Variants in RHOBTB2 observed in about 807,000 individuals in gnomAD.
The protein encoded by RHOBTB2 is Rho related BTB domain containing 2.
A neutral mutation model predicts 66.5 loss-of-function variants in RHOBTB2; 39 were observed. The observed-to-expected ratio is 0.59, with a 90% CI of 0.45 to 0.77. The LOEUF (loss-of-function observed/expected upper bound fraction) is 0.77. Among genes scored for constraint, RHOBTB2 ranks in the 30% least tolerant of loss-of-function variants. The pLI is 0.00. For synonymous variants in RHOBTB2, 390 were observed against 395.0 expected (o/e 0.99, Z 0.15); for missense variants, 755 against 999.1 (o/e 0.76, Z 3.29).
At chr8:22,954,889 T>C in the RHOBTB2 span, among the ~76,000 whole-genome samples, 13 of 152,192 alleles carry the variant, frequency 8.5e-5, no homozygotes, top group Non-Finnish European at 1.9e-4. Flanking sequence ...CCCAACACTT[T>C]GGGAGGCCGA....
At position 23,007,316 on chromosome 8, in the gene RHOBTB2, C is replaced by A. The variant is rs557999062; in HGVS notation, c.1071C>A (p.Ser357=). 1 of 1,613,694 alleles carries A rather than the reference C, an allele frequency of 6.2e-7. No homozygotes were observed. The highest frequency in any genetic ancestry group is 1.3e-5 in the African/African-American group (1 of 75,074). Residue 357 remains serine (S), a synonymous_variant, in exon 5 of 10, where the codon TCC becomes TCA. Transcript: ENST00000251822. ...VCESVDEAGG[S]GPAGLRASTS... is the part of the protein sequence containing the mutation. Reference sequence around the variant, plus strand: ...AGAGCGTGGATGAGGCTGGGGGCTCCGGTCCTGCTGGCCTCCGTGCTTCCA... The same window carrying A: ...AGAGCGTGGATGAGGCTGGGGGCTCAGGTCCTGCTGGCCTCCGTGCTTCCA...
In RHOBTB2 at chr8:23,008,005, T is replaced by C. The variant is rs769395531; in HGVS notation, c.1514T>C (p.Ile505Thr). The change falls in exon 6 of 10, where the codon ATC becomes ACC. Residue 505 changes from isoleucine (I) to threonine (T), a missense_variant. By Grantham distance (89) the Ile-to-Thr change is moderately conservative (BLOSUM62 -1). Around this residue, in one of 7 missense-constraint regions of RHOBTB2, gnomAD observed 353 missense variants for 458.2 expected, o/e 0.77. Transcript: ENST00000251822. ...AKGTFSDVTF[I>T]LDDGTISAHK... Reference sequence around the variant, plus strand: ...TTCTTCTGGACAGATGTGACCTTCATCCTGGATGATGGCACCATCAGCGCC... The same window carrying C: ...TTCTTCTGGACAGATGTGACCTTCACCCTGGATGATGGCACCATCAGCGCC... 6.2e-7 allele frequency: 1 copy of C among 1,613,768 alleles called. No homozygotes were observed.
At chr8:23,003,851 T>C (rs1352883930) in intron 1 of RHOBTB2, among the ~76,000 whole-genome samples, 4 of 152,194 alleles carry the variant, frequency 2.6e-5, no homozygotes, top group Middle Eastern at 3.2e-3. Context: ...GGTTGAAGCA[T>C]GCACTTAGGC....
At chr8:22,997,424 G>C (rs1685629488), upstream of RHOBTB2, among the ~76,000 whole-genome samples, 1 of 152,202 alleles carries the variant, frequency 6.6e-6, no homozygotes, top group African/African-American at 2.4e-5. Flanking sequence ...GCCTCTGCCT[G>C]AAACAGTTCA....
At chr8:22,998,532 G>A (rs760446823), upstream of RHOBTB2, among the ~76,000 whole-genome samples, 38 of 152,154 alleles carry the variant, frequency 2.5e-4, no homozygotes, top group Middle Eastern at 3.4e-3. Flanking sequence ...TCAGGAGTTC[G>A]AGACCAGCCT....
Position 23,005,399 on chromosome 8 carries a change from G to T in RHOBTB2, c.220G>T (p.Asp74Tyr). ...EVLERSRDVVDDVSVSLRLWD... is the reference protein window; with the variant it reads ...EVLERSRDVVYDVSVSLRLWD... ...GCTGGAACGCTCCCGAGACGTGGTAGATGATGTCAGCGTCTCTCTGCGCCT... is the reference window on the plus strand; with the variant it reads ...GCTGGAACGCTCCCGAGACGTGGTATATGATGTCAGCGTCTCTCTGCGCCT... The change falls in exon 3 of 10, where the codon GAT (aspartate) becomes TAT (tyrosine). Residue 74 changes from aspartate to tyrosine, a missense_variant. Physicochemically the swap from Asp to Tyr is radical, Grantham distance 160. This residue lies in a region of RHOBTB2 where 65 missense variants were observed against 152.4 expected (regional missense o/e 0.43). Coordinates refer to ENST00000251822, the MANE Select transcript of RHOBTB2 (RefSeq NM_015178.3). 6.2e-7 allele frequency: 1 copy of T among 1,613,974 alleles called. No individual in the cohort carries two copies. The highest frequency in any genetic ancestry group is 8.5e-7 in the Non-Finnish European group (1 of 1,179,866).
chr8:22,958,240 G>A, the RHOBTB2 span, among the ~76,000 whole-genome samples: 3,671 of 152,296 alleles, frequency 0.024, 131 homozygotes, highest in African/African-American at 0.083. Context: ...CTCGAAACAA[G>A]ACAGCCTGCT....
chr8:22,986,015 G>A (rs1350407455), upstream of RHOBTB2, among the ~76,000 whole-genome samples: 1 of 152,182 alleles, frequency 6.6e-6, no homozygotes, highest in Non-Finnish European at 1.5e-5. Context: ...GCAGGTCAAG[G>A]ACAGTTAAGT....
chr8:23,007,375 G>C lies in RHOBTB2; in HGVS notation c.1130G>C (p.Gly377Ala), dbSNP rs61732771. The change falls in exon 5 of 10, where the codon GGG (glycine) becomes GCG (alanine). Residue 377 changes from glycine (G) to alanine (A), a missense_variant. By Grantham distance (60) the Gly-to-Ala change is moderately conservative. Coordinates refer to ENST00000251822, the MANE Select transcript of RHOBTB2 (RefSeq NM_015178.3). Reference sequence around the variant, plus strand: ...GGGATCTTACGGGGCAACGGAACAGGGTACCTACCGGGCAGGGGTCGTGTG... The same window carrying C: ...GGGATCTTACGGGGCAACGGAACAGCGTACCTACCGGGCAGGGGTCGTGTG... ...SDGILRGNGT[G>A]YLPGRGRVLS... is the part of the protein sequence containing the mutation. 8.8e-5 allele frequency: 142 copies of C among 1,614,066 alleles called. No individual in the cohort carries two copies. In the African/African-American group the frequency reaches 1.8e-3, roughly 20 times the overall value.
Position 23,017,629 on chromosome 8 carries a change from G to C in RHOBTB2, c.*160G>C. ...CTTACCAGCCACCGTGGCTCAGCCAGAGAGGAGCTGAGCCCTGTGGAGCAG... is the reference window on the plus strand; with the variant it reads ...CTTACCAGCCACCGTGGCTCAGCCACAGAGGAGCTGAGCCCTGTGGAGCAG... On this transcript the variant is annotated 3_prime_UTR_variant, in exon 10 of 10. Transcript: ENST00000251822. This position sits in a 1 kb window ranked among gnomAD's most constrained non-coding sequence, Gnocchi z 5.3. The C allele has an allele frequency of 8.6e-7, 1 of 1,156,098 alleles. No homozygotes were observed. The highest frequency in any genetic ancestry group is 1.2e-6 in the Non-Finnish European group (1 of 833,924). The allele number at this position is 1,156,098 out of a possible 1,614,324, so 71.6% of individuals were successfully genotyped here.
At chr8:22,977,241 T>A in the RHOBTB2 span, among the ~76,000 whole-genome samples, 2 of 152,204 alleles carry the variant, frequency 1.3e-5, no homozygotes, top group Non-Finnish European at 2.9e-5. Context: ...ACCCTACACT[T>A]CTCAGCACCC....
intron 5 of RHOBTB2, 90 bp downstream of exon 5, chr8:23,007,836 G>A (rs1811020720): frequency 7.2e-6 from 11 of 1,534,842 alleles, no homozygotes; most frequent in Middle Eastern, 1.7e-4. Context: ...CTGGAGCTGC[G>A]GCTGCCATGC....
At position 23,018,803 on chromosome 8, in the gene RHOBTB2, AC is replaced by A. The variant is rs1403354193; in HGVS notation, c.*1336del. Reference sequence around the variant, plus strand: ...CCAAAAGTCAGGGAAAGGGGCACTGACCTGTAGTGAAAGGCCACAGGACACA... The same window carrying A: ...CCAAAAGTCAGGGAAAGGGGCACTGACTGTAGTGAAAGGCCACAGGACACA... On this transcript the variant is annotated 3_prime_UTR_variant, in exon 10 of 10. Transcript: ENST00000251822. 1.3e-5 allele frequency: 2 copies of A among 152,592 alleles called. No individual in the cohort carries two copies. The highest frequency in any genetic ancestry group is 1.5e-5 in the Non-Finnish European group (1 of 68,268). 9.5% of individuals were successfully genotyped at this position (152,592 alleles called of 1,614,324 possible).
At position 23,007,454 on chromosome 8, in the gene RHOBTB2, T is replaced by C. The variant is rs1263572050; in HGVS notation, c.1209T>C (p.Asp403=). ...FVSIQEEMAE[D]PLTYKSRLMV... Reference sequence around the variant, plus strand: ...GCATCCAGGAAGAGATGGCAGAAGATCCTCTCACCTACAAATCCCGGCTGA... The same window carrying C: ...GCATCCAGGAAGAGATGGCAGAAGACCCTCTCACCTACAAATCCCGGCTGA... Residue 403 remains aspartate, a synonymous_variant, in exon 5 of 10, where the codon GAT becomes GAC. Coordinates refer to ENST00000251822, the MANE Select transcript of RHOBTB2 (RefSeq NM_015178.3). 6.2e-7 allele frequency: 1 copy of C among 1,613,966 alleles called. No individual in the cohort carries two copies.
chr8:22,957,589 G>C, the RHOBTB2 span, among the ~76,000 whole-genome samples: 2 of 152,166 alleles, frequency 1.3e-5, no homozygotes, highest in African/African-American at 4.8e-5. Context: ...GGGTTGGGCT[G>C]CTTGTTCTTG....
chr8:23,010,926 A>T (rs1411146462), intron 7 of RHOBTB2, among the ~76,000 whole-genome samples: 1 of 152,136 alleles, frequency 6.6e-6, no homozygotes, highest in Non-Finnish European at 1.5e-5. Context: ...AGGCGATTTA[A>T]ACCCAACAAA....
At chr8:22,988,612 C>T (rs1223555507) in intron 1 of RHOBTB2, among the ~76,000 whole-genome samples, 1 of 152,134 alleles carries the variant, frequency 6.6e-6, no homozygotes, top group South Asian at 2.1e-4. Context: ...CTCTCTTGCC[C>T]TCAGCCCCCC....
intron 6 of RHOBTB2, among the ~76,000 whole-genome samples, chr8:23,009,693 T>G (rs1216919551): frequency 6.6e-6 from 1 of 152,180 alleles, no homozygotes; most frequent in African/African-American, 2.4e-5. Context: ...ATGTGGAATG[T>G]GCATTTTCTA....
Position 23,006,813 on chromosome 8 carries a change from G to T in RHOBTB2, c.568G>T (p.Val190Leu). 1 of 1,614,116 alleles carries T rather than the reference G, an allele frequency of 6.2e-7. No individual in the cohort carries two copies. The highest frequency in any genetic ancestry group is 8.5e-7 in the Non-Finnish European group (1 of 1,180,026). The change falls in exon 5 of 10, where the codon GTG becomes TTG. Residue 190 changes from valine to leucine, a missense_variant. By Grantham distance (32) the Val-to-Leu change is conservative. Around this residue, in one of 7 missense-constraint regions of RHOBTB2, gnomAD observed 35 missense variants for 38.1 expected, o/e 0.92. Transcript: ENST00000251822. This position sits in a 1 kb window ranked among gnomAD's most constrained non-coding sequence, Gnocchi z 6.1. ...ELGIPYYETS[V>L]VAQFGIKDVF... is the part of the protein sequence containing the mutation. ...GGGCATCCCCTACTATGAGACCAGC[G>T]TGGTGGCCCAGTTCGGCATCAAGGA... is the stretch of plus-strand genomic sequence containing the variant.
Sources: allele counts gnomAD v4.1 joint callset (sites outside exome capture counted in the v4.1 genomes callset), GRCh38; gene constraint gnomAD v4.1.1; regional missense constraint gnomAD v4.1.1; non-coding constraint Gnocchi (gnomAD v3.1); transcripts MANE v1.5; gene names NCBI Gene and HGNC (gene_info 2026-07-23, HGNC 2026-07-21).